Variants in CMTM8 observed in about 807,000 individuals in gnomAD.
CMTM8 encodes CKLF like MARVEL transmembrane domain containing 8, also known as CKLF-like MARVEL transmembrane domain-containing protein 8.
A neutral mutation model predicts 18.6 loss-of-function variants in CMTM8; 12 were observed. The observed-to-expected ratio is 0.65, with a 90% confidence interval of 0.41 to 1.05. The LOEUF is 1.05. Ranked by LOEUF, CMTM8 falls within the 50% of genes least tolerant of loss-of-function variation. CMTM8 has a pLI of 0.00. For synonymous variants in CMTM8, 87 were observed against 90.6 expected (o/e 0.96, Z 0.23); for missense variants, 217 against 227.2 (o/e 0.95, Z 0.29).
intron 1 of CMTM8, among the ~76,000 whole-genome samples, chr3:32,283,031 C>G (rs892457073): frequency 2.6e-5 from 4 of 152,158 alleles, no homozygotes; most frequent in African/African-American, 9.7e-5. Context: ...TCTGATGCTT[C>G]CACTAGAACA....
At chr3:32,333,298 T>C (rs1022452658) in intron 1 of CMTM8, among the ~76,000 whole-genome samples, 14 of 152,258 alleles carry the variant, frequency 9.2e-5, no homozygotes, top group Admixed American at 2.6e-4. Flanking sequence ...ACAAAAACAC[T>C]GTGGCCAGAT....
chr3:32,314,730 G>T (rs1695885353), intron 1 of CMTM8, among the ~76,000 whole-genome samples: 1 of 152,096 alleles, frequency 6.6e-6, no homozygotes, highest in African/African-American at 2.4e-5. Context: ...ACTTGTCTTG[G>T]CCTCCCAAAG....
At chr3:32,259,051 AG>A (rs1702215954) in intron 1 of CMTM8, 1 of 360,570 alleles carries the variant, frequency 2.8e-6, no homozygotes, top group African/African-American at 2.1e-5. Flanking sequence ...GCATCTATGC[AG>A]GCGCCGGAGG....
chr3:32,288,119 G>C (rs75105608), intron 1 of CMTM8, among the ~76,000 whole-genome samples: 10 of 152,086 alleles, frequency 6.6e-5, no homozygotes, highest in African/African-American at 2.4e-4. Context: ...AACACAGTTG[G>C]CCTGACTTGC....
chr3:32,323,329 G>A (rs1696093225), intron 1 of CMTM8, among the ~76,000 whole-genome samples: 1 of 152,156 alleles, frequency 6.6e-6, no homozygotes, highest in East Asian at 1.9e-4. Flanking sequence ...GCAAGCAGCA[G>A]CAGTGAAACA....
rs1469481028 is a variant in CMTM8, at chr3:32,267,720, T to A, written c.147+28601T>A. ...CTGCTCACCTAACAAAGGGCTAATA[T>A]CCAGAATCTACAAGGAACTCAAACA... On this transcript the variant is annotated intron_variant, in intron 1 of 3. Coordinates refer to ENST00000307526, the MANE Select transcript of CMTM8 (RefSeq NM_178868.5). 2.5e-4 allele frequency among the ~76,000 whole-genome samples: 38 copies of A among 151,772 alleles called. 1 individual carries two copies. Among genetic ancestry groups the A allele is most frequent in the Non-Finnish European group, 4.7e-4 (32 of 67,978 alleles).
Position 32,238,989 on chromosome 3 carries a change from G to A in CMTM8, c.17G>A (p.Arg6His), listed in dbSNP as rs1559358569. MEEPQRARSHTVTTTA... is the reference protein window; with the variant it reads MEEPQHARSHTVTTTA... ...GGCTCGACGATGGAGGAGCCGCAGC[G>A]CGCCCGCTCGCACACAGTCACCACC... Residue 6 changes from arginine (R) to histidine (H), a missense_variant, in exon 1 of 4, where the codon CGC (arginine) becomes CAC (histidine). Coordinates refer to ENST00000307526, the MANE Select transcript of CMTM8 (RefSeq NM_178868.5). 1.9e-6 allele frequency: 3 copies of A among 1,550,382 alleles called. No individual in the cohort carries two copies. Among genetic ancestry groups the A allele is most frequent in the Admixed American group, 3.9e-5 (2 of 51,038 alleles).
intron 1 of CMTM8, among the ~76,000 whole-genome samples, chr3:32,239,805 C>T (rs1188178053): frequency 6.6e-6 from 1 of 152,190 alleles, no homozygotes; most frequent in Non-Finnish European, 1.5e-5. Flanking sequence ...GACTGGAGTC[C>T]TGTCAGCAGT....
chr3:32,338,142 C>A (rs1353819513), intron 1 of CMTM8, among the ~76,000 whole-genome samples: 1 of 152,038 alleles, frequency 6.6e-6, no homozygotes, highest in Non-Finnish European at 1.5e-5. Context: ...TGCCACCACG[C>A]CCAGCTAATT....
intron 1 of CMTM8, among the ~76,000 whole-genome samples, chr3:32,246,918 A>G (rs1316727635): frequency 1.3e-5 from 2 of 152,084 alleles, no homozygotes; most frequent in African/African-American, 4.8e-5. Context: ...CCTGGCCAAC[A>G]TAACAAAACT....
chr3:32,295,732 C>G (rs1053451163), intron 1 of CMTM8, among the ~76,000 whole-genome samples: 11 of 152,094 alleles, frequency 7.2e-5, no homozygotes, highest in Admixed American at 7.2e-4. Context: ...CTCCCCTCTG[C>G]TTAAACCCCT....
intron 1 of CMTM8, among the ~76,000 whole-genome samples, chr3:32,356,891 G>A (rs4955145): frequency 0.71 from 108,403 of 152,050 alleles, 38,946 homozygotes; most frequent in Middle Eastern, 0.9. Flanking sequence ...TCCTGGGATG[G>A]AGAAGACCTG....
At chr3:32,298,776 G>T (rs1207012897) in intron 1 of CMTM8, among the ~76,000 whole-genome samples, 6 of 143,252 alleles carry the variant, frequency 4.2e-5, no homozygotes, top group African/African-American at 1.6e-4. Flanking sequence ...GGGACTAGGG[G>T]CATGCGCCAC....
At chr3:32,295,479 C>CAAAAAA (rs58774314) in intron 1 of CMTM8, among the ~76,000 whole-genome samples, 1 of 82,464 alleles carries the variant, frequency 1.2e-5, no homozygotes, top group Non-Finnish European at 2.1e-5. Flanking sequence ...AAAAAAAAAA[C>CAAAAAA]AAAACAAAAC....
intron 3 of CMTM8, among the ~76,000 whole-genome samples, chr3:32,368,826 T>C (rs904152426): frequency 7.5e-6 from 1 of 133,766 alleles, no homozygotes; most frequent in Non-Finnish European, 1.7e-5. Context: ...ATTTTTCTAA[T>C]TAAAAAAAAC....
At chr3:32,287,292 A>T (rs1157767110) in intron 1 of CMTM8, among the ~76,000 whole-genome samples, 1 of 152,170 alleles carries the variant, frequency 6.6e-6, no homozygotes, top group Non-Finnish European at 1.5e-5. Flanking sequence ...TCTGAATTTG[A>T]AGTTTTTCTT....
At chr3:32,249,823 C>T (rs1702089967) in intron 1 of CMTM8, among the ~76,000 whole-genome samples, 1 of 152,166 alleles carries the variant, frequency 6.6e-6, no homozygotes, top group African/African-American at 2.4e-5. Context: ...TTCTCCCATT[C>T]TGTCTGTTAT....
chr3:32,268,066 C>G (rs1702375176), intron 1 of CMTM8, among the ~76,000 whole-genome samples: 1 of 152,156 alleles, frequency 6.6e-6, no homozygotes, highest in African/African-American at 2.4e-5. Flanking sequence ...ACTAGAAATA[C>G]CATTTGACCC....
intron 1 of CMTM8, among the ~76,000 whole-genome samples, chr3:32,288,667 A>AT (rs1444669524): frequency 4.6e-5 from 7 of 152,012 alleles, no homozygotes; most frequent in East Asian, 1.9e-4. Context: ...CGCCCAGCTA[A>AT]TTTTTTGTAT....
Sources: gnomAD v4.1 joint callset for allele counts (sites outside exome capture counted in the v4.1 genomes callset) on GRCh38, gnomAD v4.1.1 for gene constraint, MANE v1.5 for transcripts, NCBI Gene and HGNC (gene_info 2026-07-23, HGNC 2026-07-21) for gene names.